Variants in ARFIP1 observed in about 807,000 individuals in gnomAD.
ARFIP1 encodes the protein arfaptin-1.
A neutral mutation model predicts 42.5 loss-of-function variants in ARFIP1; 24 were observed. The observed-to-expected ratio is 0.57, with a 90% CI of 0.41 to 0.80. ARFIP1 has a LOEUF of 0.80. Among genes scored for constraint, ARFIP1 ranks in the 30% least tolerant of loss-of-function variants. The probability of loss-of-function intolerance (pLI) is 0.00; values close to 1 mark genes in which losing one functional copy is unlikely to be tolerated. For synonymous variants in ARFIP1, 141 were observed against 153.7 expected, an observed-to-expected ratio of 0.92 and a Z score of 0.61; for missense variants, 354 against 434.0, an observed-to-expected ratio of 0.82 and a Z score of 1.64.
intron 1 of ARFIP1, among the ~76,000 whole-genome samples, chr4:152,784,648 G>T (rs1289377192): frequency 6.6e-6 from 1 of 152,210 alleles, no homozygotes; most frequent in East Asian, 1.9e-4. Flanking sequence ...TGAAGTTCTT[G>T]CCTGGCTTCG....
At chr4:152,836,666 T>G (rs1045662234) in intron 2 of ARFIP1, among the ~76,000 whole-genome samples, 1 of 152,242 alleles carries the variant, frequency 6.6e-6, no homozygotes, top group African/African-American at 2.4e-5. Context: ...TGAGGTTGCC[T>G]TGCACATTAA....
chr4:152,815,813 C>T (rs899064741), intron 1 of ARFIP1, among the ~76,000 whole-genome samples: 2 of 141,098 alleles, frequency 1.4e-5, no homozygotes, highest in African/African-American at 2.7e-5. Context: ...GGAGGGATCT[C>T]GGCTCACTGC....
At chr4:152,807,370 C>A (rs1240330772) in intron 1 of ARFIP1, 2 of 152,136 alleles carry the variant, frequency 1.3e-5, no homozygotes, top group African/African-American at 2.4e-5. Flanking sequence ...AAGTGAAGTA[C>A]TTTTTGCATT....
At chr4:152,795,999 A>G (rs867176480) in intron 1 of ARFIP1, 1 of 592,150 alleles carries the variant, frequency 1.7e-6, no homozygotes. Context: ...ACTCAGAAAC[A>G]TTACAGTAAT....
chr4:152,903,484 GTT>G lies in ARFIP1; in HGVS notation c.967-6570_967-6569del, dbSNP rs138825213. Among the ~76,000 whole-genome samples, 3 of 147,102 alleles carry G rather than the reference GTT, an allele frequency of 2.0e-5. No individual in the cohort carries two copies. In the South Asian group the frequency reaches 6.4e-4, roughly 31 times the overall value. Reference sequence around the variant, plus strand: ...ATTTTATACTTCATTTCCATTTGGAGTTTTTTTTTTTCTTTTGTTTTTACATT... The same window carrying G: ...ATTTTATACTTCATTTCCATTTGGAGTTTTTTTTTCTTTTGTTTTTACATT... On this transcript the variant is annotated intron_variant, in intron 8 of 8. Transcript: ENST00000353617.
chr4:152,864,295 A>G (rs1734136009), intron 3 of ARFIP1, among the ~76,000 whole-genome samples: 1 of 152,190 alleles, frequency 6.6e-6, no homozygotes, highest in Non-Finnish European at 1.5e-5. Context: ...CTGTTCTTAC[A>G]TGTCTGCCAA....
intron 1 of ARFIP1, among the ~76,000 whole-genome samples, chr4:152,788,102 C>G (rs1730917199): frequency 6.6e-6 from 1 of 151,902 alleles, no homozygotes; most frequent in Non-Finnish European, 1.5e-5. Context: ...GCGTGGTGAC[C>G]TGCACCTGTA....
At chr4:152,826,789 A>G (rs1730873306) in intron 1 of ARFIP1, among the ~76,000 whole-genome samples, 1 of 152,222 alleles carries the variant, frequency 6.6e-6, no homozygotes, top group Non-Finnish European at 1.5e-5. Flanking sequence ...CCAAGTATCC[A>G]TCACGGGATG....
At position 152,796,711 on chromosome 4, in the gene ARFIP1, A is replaced by G. The variant is rs189568272; in HGVS notation, c.-10+16485A>G. 5.1e-4 allele frequency: 439 copies of G among 864,516 alleles called. 2 individuals carry two copies. The highest frequency in any genetic ancestry group is 3.2e-3 in the Middle Eastern group (9 of 2,842). The allele number at this position is 864,516 out of a possible 1,614,324, so 53.6% of individuals were successfully genotyped here. ...ATGATTAAGCTTAGCCTTCAGACCA[A>G]TCATTTTCTTTGCCTTCTTTGAACA... On this transcript the variant is annotated intron_variant, in intron 1 of 8. Coordinates refer to ENST00000353617, the MANE Select transcript of ARFIP1 (RefSeq NM_001025595.3).
At chr4:152,787,206 G>A (rs1253876214) in intron 1 of ARFIP1, among the ~76,000 whole-genome samples, 1 of 152,064 alleles carries the variant, frequency 6.6e-6, no homozygotes, top group Non-Finnish European at 1.5e-5. Context: ...TCAGTTCATC[G>A]AGTTTTGTAA....
At chr4:152,814,294 G>A (rs10023895) in intron 1 of ARFIP1, among the ~76,000 whole-genome samples, 20,875 of 151,776 alleles carry the variant, frequency 0.14, 1,517 homozygotes, top group African/African-American at 0.18. Context: ...GGGTTTTGTC[G>A]TATTGCCCAG....
At chr4:152,897,012 C>T (rs1737396808) in intron 8 of ARFIP1, among the ~76,000 whole-genome samples, 1 of 152,154 alleles carries the variant, frequency 6.6e-6, no homozygotes, top group Non-Finnish European at 1.5e-5. Flanking sequence ...AATATCTTAA[C>T]ATATGGTGCA....
At chr4:152,898,151 T>G (rs547449362) in intron 8 of ARFIP1, among the ~76,000 whole-genome samples, 44 of 151,720 alleles carry the variant, frequency 2.9e-4, no homozygotes, top group African/African-American at 1.1e-3. Context: ...CCCAGCTAAG[T>G]TTTTGGATTT....
At chr4:152,792,440 G>A (rs572797837) in intron 1 of ARFIP1, among the ~76,000 whole-genome samples, 2 of 152,230 alleles carry the variant, frequency 1.3e-5, no homozygotes, top group South Asian at 4.1e-4. Context: ...CCAGTATGAT[G>A]TGCCATGTTT....
At chr4:152,811,469 G>A (rs1373312666) in intron 1 of ARFIP1, among the ~76,000 whole-genome samples, 1 of 152,138 alleles carries the variant, frequency 6.6e-6, no homozygotes. Flanking sequence ...GATCTTACTA[G>A]ATATTGAAGT....
At chr4:152,792,545 A>C (rs1454981636) in intron 1 of ARFIP1, among the ~76,000 whole-genome samples, 2 of 152,128 alleles carry the variant, frequency 1.3e-5, no homozygotes, top group Admixed American at 1.3e-4. Context: ...AAAAGCTCCC[A>C]TTATGATTTA....
chr4:152,841,622 G>A (rs1253130786), intron 2 of ARFIP1, among the ~76,000 whole-genome samples: 3 of 152,140 alleles, frequency 2.0e-5, no homozygotes, highest in African/African-American at 4.8e-5. Flanking sequence ...GTCAGAAAAC[G>A]ACTGTATCTT....
At chr4:152,881,995 G>T (rs1245734231) in intron 6 of ARFIP1, among the ~76,000 whole-genome samples, 1 of 152,148 alleles carries the variant, frequency 6.6e-6, no homozygotes, top group Non-Finnish European at 1.5e-5. Context: ...TATGTGATCG[G>T]TTTTTTATTT....
At chr4:152,902,817 G>C (rs1284241370) in intron 8 of ARFIP1, among the ~76,000 whole-genome samples, 2 of 152,140 alleles carry the variant, frequency 1.3e-5, no homozygotes, top group Non-Finnish European at 2.9e-5. Context: ...GTCTCTCTCT[G>C]AAAGCCAGCG....
Sources: gnomAD v4.1 joint callset for allele counts (sites outside exome capture counted in the v4.1 genomes callset) on GRCh38, gnomAD v4.1.1 for gene constraint, MANE v1.5 for transcripts, NCBI Gene and HGNC (gene_info 2026-07-23, HGNC 2026-07-21) for gene names.